The following CAMTA1 variants were observed in gnomAD, a reference collection of about 807,000 sequenced individuals.
The protein encoded by CAMTA1 is calmodulin-binding transcription activator 1.
A neutral mutation model predicts 170.9 loss-of-function variants in CAMTA1; 27 were observed. The ratio of observed to expected loss-of-function variants is 0.16; its 90% CI spans 0.12 to 0.22. The LOEUF (loss-of-function observed/expected upper bound fraction) is 0.22, where lower values mean the gene tolerates loss of function less well. Among genes scored for constraint, CAMTA1 ranks in the 10% least tolerant of loss-of-function variants. The pLI is 1.00. For missense variants in CAMTA1, 1,619 were observed against 2,217.2 expected, an observed-to-expected ratio of 0.73 and a Z score of 5.42; for synonymous variants, 833 against 891.5, an observed-to-expected ratio of 0.93 and a Z score of 1.17.
chr1:7,743,513 C>T (rs2096833199), intron 16 of CAMTA1, among the ~76,000 whole-genome samples: 1 of 152,156 alleles, frequency 6.6e-6, no homozygotes, highest in Non-Finnish European at 1.5e-5. Flanking sequence ...AACCACTGAT[C>T]TGATTCTATC....
chr1:7,648,709 T>G (rs2095826953), intron 7 of CAMTA1, among the ~76,000 whole-genome samples: 1 of 152,010 alleles, frequency 6.6e-6, no homozygotes, highest in Non-Finnish European at 1.5e-5. Context: ...TCCACCAAGG[T>G]CCCAGAAAGC....
intron 4 of CAMTA1, among the ~76,000 whole-genome samples, chr1:7,151,244 A>G (rs1445731973): frequency 2.6e-5 from 4 of 152,198 alleles, no homozygotes; most frequent in African/African-American, 4.8e-5. Flanking sequence ...GGCACCTTCC[A>G]AAGTGTTTTC....
chr1:7,164,014 T>C (rs997207488), intron 4 of CAMTA1, among the ~76,000 whole-genome samples: 2 of 152,192 alleles, frequency 1.3e-5, no homozygotes, highest in African/African-American at 2.4e-5. Flanking sequence ...TCAAAAATGT[T>C]GGTTGAATGG....
At chr1:7,437,706 G>T (rs930121466) in intron 5 of CAMTA1, among the ~76,000 whole-genome samples, 18 of 152,232 alleles carry the variant, frequency 1.2e-4, no homozygotes, top group African/African-American at 4.3e-4. Context: ...TTCTGGGTCT[G>T]TAGAAGCCTG....
chr1:6,857,538 A>C (rs567569174), intron 3 of CAMTA1, among the ~76,000 whole-genome samples: 1 of 152,358 alleles, frequency 6.6e-6, no homozygotes, highest in East Asian at 1.9e-4. Flanking sequence ...CTGCATCTTC[A>C]AAGAAGCCAG....
chr1:6,948,388 C>T (rs1161891100), intron 3 of CAMTA1, among the ~76,000 whole-genome samples: 1 of 152,196 alleles, frequency 6.6e-6, no homozygotes, highest in Non-Finnish European at 1.5e-5. Flanking sequence ...CGGCTGCTTC[C>T]CATATGTACA....
At chr1:7,329,726 T>C (rs2082903937) in intron 5 of CAMTA1, among the ~76,000 whole-genome samples, 8 of 152,194 alleles carry the variant, frequency 5.3e-5, no homozygotes, top group Admixed American at 5.2e-4. Context: ...ATACCCCATC[T>C]CTTCTATGTG....
chr1:6,853,877 G>A (rs530808374), intron 3 of CAMTA1, among the ~76,000 whole-genome samples: 1 of 152,212 alleles, frequency 6.6e-6, no homozygotes, highest in South Asian at 2.1e-4. Flanking sequence ...TTCTACCTCT[G>A]TATGTACCTA....
chr1:7,382,427 A>G (rs937669321), intron 5 of CAMTA1: 14 of 152,228 alleles, frequency 9.2e-5, no homozygotes, highest in African/African-American at 3.1e-4. Context: ...GTAGTACCAG[A>G]TGTAAACATG....
In CAMTA1 at chr1:7,249,834, A is replaced by C. The variant is rs189444779; in HGVS notation, c.438+208A>C. On this transcript the variant is annotated intron_variant, in intron 5 of 22. Coordinates refer to ENST00000303635, the MANE Select transcript of CAMTA1 (RefSeq NM_015215.4). The surrounding 1 kb of genome is among the most constrained non-coding windows in gnomAD (Gnocchi z 4.4). ...TTTTCAGTGAAACTGGATTGAACTA[A>C]AGCACTCCTGTTTCTTGGGAGTCAT... 1.3e-5 allele frequency among the ~76,000 whole-genome samples: 2 copies of C among 152,326 alleles called. No homozygotes were observed. Among genetic ancestry groups the C allele is most frequent in the East Asian group, 3.9e-4 (2 of 5,188 alleles).
intron 5 of CAMTA1, chr1:7,382,865 T>C (rs2087501149): frequency 6.6e-6 from 1 of 151,136 alleles, no homozygotes; most frequent in Admixed American, 6.6e-5. Flanking sequence ...GATAGATAGA[T>C]AGATAGATAT....
chr1:7,678,756 T>C (rs2096151791), intron 11 of CAMTA1, among the ~76,000 whole-genome samples: 1 of 152,198 alleles, frequency 6.6e-6, no homozygotes, highest in Non-Finnish European at 1.5e-5. Flanking sequence ...TGTTGAGGTC[T>C]GGGCTAAGCT....
At chr1:7,139,412 C>T (rs1295635240) in intron 4 of CAMTA1, among the ~76,000 whole-genome samples, 1 of 150,538 alleles carries the variant, frequency 6.6e-6, no homozygotes, top group African/African-American at 2.4e-5. Flanking sequence ...TGCCTCTAGA[C>T]CTTCAGAAAA....
chr1:7,683,067 C>T (rs1177770306), intron 11 of CAMTA1, among the ~76,000 whole-genome samples: 1 of 151,344 alleles, frequency 6.6e-6, no homozygotes, highest in African/African-American at 2.4e-5. Context: ...CCCAGCTACT[C>T]GGGAGGCTGA....
chr1:7,306,094 G>T (rs116682257), intron 5 of CAMTA1, among the ~76,000 whole-genome samples: 1 of 151,994 alleles, frequency 6.6e-6, no homozygotes, highest in Admixed American at 6.5e-5. Flanking sequence ...TCTGAAAAGT[G>T]TCTCCTAGAA....
At chr1:7,273,906 G>T (rs1670209451) in intron 5 of CAMTA1, among the ~76,000 whole-genome samples, 1 of 152,130 alleles carries the variant, frequency 6.6e-6, no homozygotes, top group Admixed American at 6.5e-5. Flanking sequence ...TCTAATATTT[G>T]TTGAAGGTAG....
In CAMTA1 at chr1:7,737,977, C is replaced by G. The variant is rs780958930; in HGVS notation, c.3677C>G (p.Ser1226Cys). The G allele has an allele frequency of 1.2e-6, 2 of 1,610,586 alleles. No individual in the cohort carries two copies. Among genetic ancestry groups the G allele is most frequent in the African/African-American group, 2.7e-5 (2 of 74,808 alleles). Residue 1226 changes from serine (S) to cysteine (C), a missense_variant, in exon 16 of 23, where the codon TCT becomes TGT. Ser to Cys is a moderately radical substitution (Grantham distance 112). Coordinates refer to ENST00000303635, the MANE Select transcript of CAMTA1 (RefSeq NM_015215.4). ...TTTTCAGAGCTGAGAAGACCTCGTT[C>G]TGAACCCTCTAATTACTACAGCAGT... ...STNPELRRPR[S>C]EPSNYYSSES...
intron 5 of CAMTA1, among the ~76,000 whole-genome samples, chr1:7,466,722 A>T (rs902444983): frequency 6.6e-6 from 1 of 152,098 alleles, no homozygotes; most frequent in African/African-American, 2.4e-5. Context: ...TCTAGAGCGG[A>T]TGCAGTGGGA....
At chr1:7,613,674 G>A (rs2095538718) in intron 6 of CAMTA1, among the ~76,000 whole-genome samples, 1 of 151,828 alleles carries the variant, frequency 6.6e-6, no homozygotes, top group Non-Finnish European at 1.5e-5. Context: ...GTGATGAAGT[G>A]CCAGATGAAT....
Sources: gnomAD v4.1 joint callset for allele counts (sites outside exome capture counted in the v4.1 genomes callset) on GRCh38, gnomAD v4.1.1 for gene constraint, Gnocchi (gnomAD v3.1) non-coding constraint, MANE v1.5 for transcripts, NCBI Gene and HGNC (gene_info 2026-07-23, HGNC 2026-07-21) for gene names.